Variants in ZNF839 observed in about 807,000 individuals in gnomAD.
ZNF839 encodes the protein renal carcinoma antigen NY-REN-50.
ZNF839 carries 38 observed loss-of-function variants against 56.4 expected under a neutral mutation model. The ratio of observed to expected loss-of-function variants is 0.67; its 90% CI spans 0.52 to 0.88. ZNF839 has a LOEUF of 0.88. Among genes scored for constraint, ZNF839 ranks in the 40% least tolerant of loss-of-function variants. The probability of loss-of-function intolerance (pLI) is 0.00; values close to 1 mark genes in which losing one functional copy is unlikely to be tolerated. For missense variants in ZNF839, 1,091 were observed against 1,177.6 expected (o/e 0.93, Z 1.08); for synonymous variants, 486 against 493.5 (o/e 0.98, Z 0.20).
chr14:102,342,191 C>A lies in ZNF839; in HGVS notation c.*12C>A. 1 of 1,593,364 alleles carries A rather than the reference C, an allele frequency of 6.3e-7. No homozygotes were observed. Among genetic ancestry groups the A allele is most frequent in the South Asian group, 1.1e-5 (1 of 89,596 alleles). On this transcript the variant is annotated 3_prime_UTR_variant, in exon 8 of 8. Transcript: ENST00000442396. ...GATGGGCCCGCTAGAAGGAGTTCCT[C>A]TAGAAGCTGTGGAGTCGGTCGTCAC...
Position 102,338,972 on chromosome 14 carries a change from G to A in ZNF839, c.1797+19G>A, listed in dbSNP as rs561166096. On this transcript the variant is annotated intron_variant, in intron 6 of 7. Transcript: ENST00000442396. ...ACGTGAGGTGGGCATGGCTGAAGTG[G>A]GTGCCAGGTGACTGTGCACGGTGAA... 1.1e-4 allele frequency: 185 copies of A among 1,613,866 alleles called. No homozygotes were observed. Among genetic ancestry groups the A allele is most frequent in the Non-Finnish European group, 1.5e-4 (172 of 1,179,882 alleles).
At chr14:102,317,781 T>C (rs1171249942), upstream of ZNF839, 3 of 152,072 alleles carry the variant, frequency 2.0e-5, no homozygotes, top group African/African-American at 7.2e-5. Context: ...TTGCTTTTTG[T>C]CCCCCCTCTT....
intron 2 of ZNF839, among the ~76,000 whole-genome samples, chr14:102,328,354 C>CAA (rs1158691824): frequency 6.6e-4 from 19 of 28,890 alleles, no homozygotes; most frequent in South Asian, 3.6e-3. Flanking sequence ...AACTCCATCT[C>CAA]AAAAAAAAAA....
chr14:102,339,829 C>A (rs200469164), intron 7 of ZNF839, among the ~76,000 whole-genome samples: 2 of 151,916 alleles, frequency 1.3e-5, no homozygotes, highest in Non-Finnish European at 2.9e-5. Context: ...AGACGGGTCC[C>A]AGGACACATC....
At chr14:102,334,730 C>T in intron 4 of ZNF839, 84 bp downstream of exon 4, 2 of 708,292 alleles carry the variant, frequency 2.8e-6, no homozygotes, top group East Asian at 3.9e-5. Flanking sequence ...AATTATTTTT[C>T]AATAGCCTGC....
At chr14:102,327,173 C>T (rs1485281724) in intron 2 of ZNF839, among the ~76,000 whole-genome samples, 1 of 152,038 alleles carries the variant, frequency 6.6e-6, no homozygotes, top group Admixed American at 6.6e-5. Flanking sequence ...TGGATCCTCG[C>T]TCTGTCATCC....
chr14:102,329,183 A>G (rs1324477598), intron 2 of ZNF839, among the ~76,000 whole-genome samples: 1 of 151,888 alleles, frequency 6.6e-6, no homozygotes, highest in African/African-American at 2.4e-5. Context: ...GTTAGCCAAG[A>G]TGGTCTCGAT....
At position 102,341,384 on chromosome 14, in the gene ZNF839, G is replaced by A. The variant is rs768243916; in HGVS notation, c.1989G>A (p.Thr663=). ...SPRSEESHTT[T]VSGGNGSVFQ... The stretch of plus-strand genomic sequence containing the variant: ...GTTCTGAAGAAAGCCATACAACGAC[G>A]GTTTCTGGTGGCAATGGGAGCGTGT... Residue 663 remains threonine, a synonymous_variant, in exon 8 of 8, where the codon ACG becomes ACA. Coordinates refer to ENST00000442396, the MANE Select transcript of ZNF839 (RefSeq NM_018335.6). 21 of 1,550,826 alleles carry A rather than the reference G, an allele frequency of 1.4e-5. No individual in the cohort carries two copies. Among genetic ancestry groups the A allele is most frequent in the East Asian group, 4.5e-5 (2 of 44,328 alleles).
At chr14:102,335,438 A>G in intron 4 of ZNF839, 1 of 425,892 alleles carries the variant, frequency 2.3e-6, no homozygotes, top group Non-Finnish European at 4.2e-6. Flanking sequence ...CCTGTCCAGG[A>G]GCTCACCCAT....
chr14:102,317,618 T>TGGA (rs1357060231), upstream of ZNF839: 1 of 152,126 alleles, frequency 6.6e-6, no homozygotes, highest in Admixed American at 6.5e-5. Flanking sequence ...CAGATGCATA[T>TGGA]GGAGAGCTAC....
At chr14:102,321,276 T>G (rs911586506) in intron 1 of ZNF839, among the ~76,000 whole-genome samples, 2 of 152,210 alleles carry the variant, frequency 1.3e-5, no homozygotes, top group Non-Finnish European at 2.9e-5. Flanking sequence ...TTCAGCAGTG[T>G]TTTTGTACCG....
chr14:102,328,407 T>TATATATATATATAC (rs2073579915), intron 2 of ZNF839, among the ~76,000 whole-genome samples: 1 of 104,656 alleles, frequency 9.6e-6, no homozygotes, highest in Non-Finnish European at 1.8e-5. Context: ...TATATATATA[T>TATATATATATATAC]ATATGTATAC....
chr14:102,326,437 G>T lies in ZNF839; in HGVS notation c.741G>T (p.Lys247Asn). 6.2e-7 allele frequency: 1 copy of T among 1,613,866 alleles called. No homozygotes were observed. Among genetic ancestry groups the T allele is most frequent in the Non-Finnish European group, 8.5e-7 (1 of 1,179,866 alleles). The stretch of plus-strand genomic sequence containing the variant: ...AACTAAAAAAATCGTTAAAAGTAAA[G>T]ACACGTTCTGGACGGGTATCTCGAC... ...TEKLKKSLKV[K>N]TRSGRVSRPP... Residue 247 changes from lysine to asparagine, a missense_variant, in exon 2 of 8, where the codon AAG becomes AAT. Transcript: ENST00000442396. This position sits in a 1 kb window ranked among gnomAD's most constrained non-coding sequence, Gnocchi z 4.3.
chr14:102,328,137 C>T (rs1311679065), intron 2 of ZNF839, among the ~76,000 whole-genome samples: 2 of 151,468 alleles, frequency 1.3e-5, no homozygotes, highest in African/African-American at 4.8e-5. Flanking sequence ...GGCGGATCAC[C>T]TCAGGTGACG....
upstream of ZNF839, among the ~76,000 whole-genome samples, chr14:102,317,820 A>G (rs2072941093): frequency 6.6e-6 from 1 of 151,928 alleles, no homozygotes; most frequent in African/African-American, 2.4e-5. Context: ...TAGGCTTCAC[A>G]TTTCTTCCTC....
chr14:102,319,645 A>G (rs2073008399), upstream of ZNF839: 2 of 1,200,234 alleles, frequency 1.7e-6, no homozygotes, highest in East Asian at 6.8e-5. This position sits in a 1 kb window ranked among gnomAD's most constrained non-coding sequence, Gnocchi z 4.5. Context: ...CCGGCCAGAC[A>G]CGGTCGCCTT....
In ZNF839 at chr14:102,326,819, C is replaced by T. The variant is rs746395461; in HGVS notation, c.1123C>T (p.Pro375Ser). ...CCTGACCTCCCTGGGGCTGTCCATG[C>T]CAGCGGATCCATGTGAGGGAGGGGC... ...LSLTSLGLSMPADPCEGGARS... is the reference protein window; with the variant it reads ...LSLTSLGLSMSADPCEGGARS... Residue 375 changes from proline to serine, a missense_variant, in exon 2 of 8, where the codon CCA (proline) becomes TCA (serine). Around this residue, in one of 3 missense-constraint regions of ZNF839, gnomAD observed 614 missense variants for 629.2 expected, o/e 0.98. Transcript: ENST00000442396. This position sits in a 1 kb window ranked among gnomAD's most constrained non-coding sequence, Gnocchi z 4.3. 2.5e-6 allele frequency: 4 copies of T among 1,611,156 alleles called. No homozygotes were observed. The African/African-American group carries it at 5.3e-5, about 22-fold the overall frequency.
intron 4 of ZNF839, chr14:102,335,310 C>T (rs748908303): frequency 2.1e-5 from 4 of 187,512 alleles, no homozygotes; most frequent in Non-Finnish European, 3.3e-5. Flanking sequence ...CTTCTGCCCG[C>T]GGCTCTGCTC....
Position 102,331,849 on chromosome 14 carries a change from ACCT to A in ZNF839, c.1416+5_1416+7del. On this transcript the variant is annotated splice_donor_5th_base_variant and intron_variant, in intron 3 of 7. Coordinates refer to ENST00000442396, the MANE Select transcript of ZNF839 (RefSeq NM_018335.6). Reference sequence around the variant, plus strand: ...CAAGCAAAGCCAGGCTCAAGGAGGTACCTCACTCTTAAACCCTGTGCTTGAAAC... The same window carrying A: ...CAAGCAAAGCCAGGCTCAAGGAGGTACACTCTTAAACCCTGTGCTTGAAAC... 1 of 1,553,484 alleles carries A rather than the reference ACCT, an allele frequency of 6.4e-7. No homozygotes were observed. Among genetic ancestry groups the A allele is most frequent in the Non-Finnish European group, 8.7e-7 (1 of 1,153,888 alleles).
Sources: allele counts gnomAD v4.1 joint callset (sites outside exome capture counted in the v4.1 genomes callset), GRCh38; gene constraint gnomAD v4.1.1; regional missense constraint gnomAD v4.1.1; non-coding constraint Gnocchi (gnomAD v3.1); transcripts MANE v1.5; gene names NCBI Gene and HGNC (gene_info 2026-07-23, HGNC 2026-07-21).